Variants in UNC5A observed in about 807,000 individuals in gnomAD.
UNC5A encodes netrin receptor UNC5A.
Under a neutral mutation model 87.4 loss-of-function variants are expected in UNC5A, and 20 were observed. The observed-to-expected ratio is 0.23, with a 90% CI of 0.16 to 0.33. UNC5A has a LOEUF of 0.33. Among genes scored for constraint, UNC5A ranks in the 10% least tolerant of loss-of-function variants. UNC5A has a pLI of 1.00. For missense variants in UNC5A, 844 were observed against 1,133.4 expected, an observed-to-expected ratio of 0.74 and a Z score of 3.67; for synonymous variants, 438 against 482.3, an observed-to-expected ratio of 0.91 and a Z score of 1.20.
intron 1 of UNC5A, among the ~76,000 whole-genome samples, chr5:176,842,195 TCAAAA>T (rs894946007): frequency 1.3e-5 from 2 of 152,204 alleles, no homozygotes; most frequent in African/African-American, 4.8e-5. Flanking sequence ...AGACTCCGTC[TCAAAA>T]CAAAACAAAA....
intron 1 of UNC5A, among the ~76,000 whole-genome samples, chr5:176,815,154 T>G (rs1316438606): frequency 4.6e-5 from 7 of 152,164 alleles, no homozygotes; most frequent in Admixed American, 4.6e-4. Flanking sequence ...CCAGAGTGAA[T>G]GTTTTCTTGA....
In UNC5A at chr5:176,810,893, TC is replaced by T; in HGVS notation, c.70+76del. ...GCGCGAACGCTCGCTGCTCTGGGGG[TC>T]CCTGACCAGCGCTGCCAGACCCGGC... On this transcript the variant is annotated intron_variant, in intron 1 of 14. Coordinates refer to ENST00000329542, the MANE Select transcript of UNC5A (RefSeq NM_133369.3). The surrounding 1 kb of genome is among the most constrained non-coding windows in gnomAD (Gnocchi z 7.3). 2 of 1,168,594 alleles carry T rather than the reference TC, an allele frequency of 1.7e-6. No individual in the cohort carries two copies. Among genetic ancestry groups the T allele is most frequent in the East Asian group, 3.5e-5 (1 of 28,298 alleles). 72.4% of individuals were successfully genotyped at this position (1,168,594 alleles called of 1,614,324 possible).
At chr5:176,840,689 G>A (rs1209180253) in intron 1 of UNC5A, among the ~76,000 whole-genome samples, 1 of 152,190 alleles carries the variant, frequency 6.6e-6, no homozygotes, top group Admixed American at 6.5e-5. Context: ...TCCCCCCCTG[G>A]CCCAGGCGTC....
rs1460209854 is a variant in UNC5A at position 176,841,312 on chromosome 5, G to C, written c.71-21312G>C. Among the ~76,000 whole-genome samples, 1 of 152,132 alleles carries C rather than the reference G, an allele frequency of 6.6e-6. No homozygotes were observed. The highest frequency in any genetic ancestry group is 2.4e-5 in the African/African-American group (1 of 41,416). ...AGTGAGCCAGCCAGAGGTGAAGCGGGGACTCAGACTCAGCTCCCAGCTTCC... is the reference window on the plus strand; with the variant it reads ...AGTGAGCCAGCCAGAGGTGAAGCGGCGACTCAGACTCAGCTCCCAGCTTCC... On this transcript the variant is annotated intron_variant, in intron 1 of 14. Transcript: ENST00000329542. The surrounding 1 kb of genome is among the most constrained non-coding windows in gnomAD (Gnocchi z 4.1).
chr5:176,829,519 G>T (rs1475981256), intron 1 of UNC5A, among the ~76,000 whole-genome samples: 2 of 141,636 alleles, frequency 1.4e-5, no homozygotes. Context: ...GGGTGGATGG[G>T]TGGATGGATG....
chr5:176,878,993 G>C (rs965837611), intron 13 of UNC5A, among the ~76,000 whole-genome samples: 1 of 152,178 alleles, frequency 6.6e-6, no homozygotes, highest in Admixed American at 6.5e-5. Flanking sequence ...GGGCAGGGGG[G>C]ACTCAGGCCG....
intron 11 of UNC5A, 50 bp downstream of exon 11, chr5:176,878,177 G>A (rs190811634): frequency 1.9e-6 from 3 of 1,604,002 alleles, no homozygotes; most frequent in South Asian, 1.1e-5. Context: ...GCTATGCCTG[G>A]CCCTGTGGAC....
intron 1 of UNC5A, among the ~76,000 whole-genome samples, chr5:176,813,007 G>A (rs979455327): frequency 2.0e-5 from 3 of 152,206 alleles, no homozygotes; most frequent in African/African-American, 7.2e-5. Context: ...GCAGCAGGGG[G>A]CGCCGGGGGC....
intron 8 of UNC5A, among the ~76,000 whole-genome samples, chr5:176,876,803 G>A (rs1276969486): frequency 1.3e-5 from 2 of 152,202 alleles, no homozygotes; most frequent in Admixed American, 6.5e-5. Flanking sequence ...GGGGCCAGAG[G>A]CAAAGGCCCT....
At chr5:176,868,534 A>T in intron 3 of UNC5A, 27 bp from the exon 4 acceptor site, 1 of 1,575,442 alleles carries the variant, frequency 6.3e-7, no homozygotes, top group Non-Finnish European at 8.6e-7. Context: ...GCCCTCAGAC[A>T]GGAGGACACT....
At position 176,878,547 on chromosome 5, in the gene UNC5A, A is replaced by G. The variant is rs747767753; in HGVS notation, c.2092A>G (p.Ser698Gly). 3 of 1,613,188 alleles carry G rather than the reference A, an allele frequency of 1.9e-6. No homozygotes were observed. In the South Asian group the frequency reaches 3.3e-5, roughly 18 times the overall value. ...CTGCACCTTCACCCTGGAGCGTGTC[A>G]GCCCCAGCACTAGTGACCTGGCCTG... ...LHCTFTLERV[S>G]PSTSDLACKL... Residue 698 changes from serine to glycine, a missense_variant, in exon 13 of 15, where the codon AGC becomes GGC. Physicochemically the swap from Ser to Gly is moderately conservative, Grantham distance 56. Transcript: ENST00000329542.
At chr5:176,872,177 G>A (rs1431491552) in intron 6 of UNC5A, among the ~76,000 whole-genome samples, 15 of 37,756 alleles carry the variant, frequency 4.0e-4, no homozygotes, top group Admixed American at 9.5e-4. Context: ...GCCCACACTC[G>A]CCCCACACCA....
At position 176,865,095 on chromosome 5, in the gene UNC5A, G is replaced by T; in HGVS notation, c.292+2250G>T. 1 of 332,160 alleles carries T rather than the reference G, an allele frequency of 3.0e-6. No homozygotes were observed. The highest frequency in any genetic ancestry group is 2.2e-5 in the South Asian group (1 of 45,446). 20.6% of individuals were successfully genotyped at this position (332,160 alleles called of 1,614,324 possible). ...GTCGGGGGAAGCCATGAAATCTCAC[G>T]TGCCCAGTCAGGACCCAGCACGGGG... On this transcript the variant is annotated intron_variant, in intron 2 of 14. Coordinates refer to ENST00000329542, the MANE Select transcript of UNC5A (RefSeq NM_133369.3). This position sits in a 1 kb window ranked among gnomAD's most constrained non-coding sequence, Gnocchi z 5.3.
chr5:176,877,132 T>TGGTGGGGTGTTGGGTGCTTTGGC (rs1758280773), intron 8 of UNC5A, 60 bp from the exon 9 acceptor site: 2 of 1,348,916 alleles, frequency 1.5e-6, no homozygotes, highest in African/African-American at 2.9e-5. Flanking sequence ...AGGGGCTGTG[T>TGGTGGGGTGTTGGGTGCTTTGGC]GGTGGGGTGT....
At chr5:176,826,929 G>A (rs907080118) in intron 1 of UNC5A, among the ~76,000 whole-genome samples, 3 of 151,502 alleles carry the variant, frequency 2.0e-5, no homozygotes, top group African/African-American at 4.8e-5. Flanking sequence ...GTGAGCCACC[G>A]CGCCCGGCCC....
In UNC5A at chr5:176,874,498, G is replaced by T; in HGVS notation, c.1310G>T (p.Arg437Leu). The change falls in exon 8 of 15, where the codon CGA (arginine) becomes CTA (leucine). Residue 437 changes from arginine to leucine, a missense_variant. By Grantham distance (102) the Arg-to-Leu change is moderately radical. Transcript: ENST00000329542. This position sits in a 1 kb window ranked among gnomAD's most constrained non-coding sequence, Gnocchi z 7.6. Reference sequence around the variant, plus strand: ...CAGAACTACTTCCGCTCCCTGCCCCGAGGCACCAGCAACATGACCTATGGG... The same window carrying T: ...CAGAACTACTTCCGCTCCCTGCCCCTAGGCACCAGCAACATGACCTATGGG... ...STQNYFRSLP[R>L]GTSNMTYGTF... 6.2e-7 allele frequency: 1 copy of T among 1,609,576 alleles called. No homozygotes were observed. Among genetic ancestry groups the T allele is most frequent in the Admixed American group, 1.7e-5 (1 of 59,552 alleles).
At chr5:176,839,587 G>T (rs1201539655) in intron 1 of UNC5A, among the ~76,000 whole-genome samples, 1 of 152,198 alleles carries the variant, frequency 6.6e-6, no homozygotes, top group Non-Finnish European at 1.5e-5. Context: ...CCTAGTAAAG[G>T]GTTGGACTTC....
intron 1 of UNC5A, among the ~76,000 whole-genome samples, chr5:176,830,886 G>A (rs1488510075): frequency 2.3e-5 from 2 of 86,104 alleles, no homozygotes; most frequent in Non-Finnish European, 6.4e-5. Flanking sequence ...GTGTGTGGGT[G>A]TATGTGCTGG....
chr5:176,843,088 G>C (rs1208909303), intron 1 of UNC5A, among the ~76,000 whole-genome samples: 1 of 151,520 alleles, frequency 6.6e-6, no homozygotes, highest in Non-Finnish European at 1.5e-5. Flanking sequence ...TTGAACCCAG[G>C]AGGCAGTGGT....
Sources: allele counts gnomAD v4.1 joint callset (sites outside exome capture counted in the v4.1 genomes callset), GRCh38; gene constraint gnomAD v4.1.1; non-coding constraint Gnocchi (gnomAD v3.1); transcripts MANE v1.5; gene names NCBI Gene and HGNC (gene_info 2026-07-23, HGNC 2026-07-21).